VPS13B: variants seen among roughly 807,000 people sequenced by gnomAD.
The protein encoded by VPS13B is vacuolar protein sorting 13 homolog B, also known as intermembrane lipid transfer protein VPS13B.
Under a neutral mutation model 426.4 loss-of-function variants are expected in VPS13B, and 285 were observed. The ratio of observed to expected loss-of-function variants is 0.67; its 90% confidence interval spans 0.61 to 0.74. The LOEUF is 0.74. VPS13B is among the 30% of genes least tolerant of loss of function. The pLI is 0.00. For missense variants in VPS13B, 4,537 were observed against 4,782.6 expected, an observed-to-expected ratio of 0.95 and a Z score of 1.51; for synonymous variants, 1,676 against 1,676.4, an observed-to-expected ratio of 1.00 and a Z score of 0.01.
chr8:99,574,935 A>C (rs1043018384), intron 31 of VPS13B, among the ~76,000 whole-genome samples: 1 of 152,170 alleles, frequency 6.6e-6, no homozygotes, highest in Non-Finnish European at 1.5e-5. Context: ...AGTCCTAGGC[A>C]GGAGAATTGC....
chr8:99,030,869 A>G (rs1407628907), intron 2 of VPS13B, among the ~76,000 whole-genome samples: 1 of 152,204 alleles, frequency 6.6e-6, no homozygotes, highest in Non-Finnish European at 1.5e-5. Context: ...GTAGTGTACT[A>G]ATTTGATACT....
intron 5 of VPS13B, among the ~76,000 whole-genome samples, chr8:99,108,547 G>T (rs1380024676): frequency 1.3e-5 from 2 of 152,090 alleles, no homozygotes; most frequent in Non-Finnish European, 2.9e-5. Context: ...CTTTTCCTCA[G>T]TGTGTTTTCT....
intron 18 of VPS13B, among the ~76,000 whole-genome samples, 170 bp downstream of exon 18, chr8:99,274,502 C>CT (rs1818792632): frequency 6.6e-6 from 1 of 151,866 alleles, no homozygotes; most frequent in Non-Finnish European, 1.5e-5. Flanking sequence ...TACTTCTTGA[C>CT]TTTAACAAAT....
Position 99,817,690 on chromosome 8 carries a change from A to G in VPS13B, c.8248A>G (p.Ile2750Val), listed in dbSNP as rs1465869942. ...AGCCAAACAGAAATTGCCTTCGTAC[A>G]TACTAGAAAACAATGAACTGACGGA... is the stretch of plus-strand genomic sequence containing the variant. ...LTAKQKLPSY[I>V]LENNELTELC... The change falls in exon 45 of 62, where the codon ATA (isoleucine) becomes GTA (valine). Residue 2750 changes from isoleucine to valine, a missense_variant. Coordinates refer to ENST00000357162, the MANE Select transcript of VPS13B (RefSeq NM_152564.5). 14 of 1,613,992 alleles carry G rather than the reference A, an allele frequency of 8.7e-6. No homozygotes were observed. Among genetic ancestry groups the G allele is most frequent in the African/African-American group, 1.3e-5 (1 of 74,936 alleles).
chr8:99,577,690 C>A, intron 33 of VPS13B, 57 bp downstream of exon 33: 1 of 1,598,578 alleles, frequency 6.3e-7, no homozygotes, highest in Non-Finnish European at 8.5e-7. Context: ...TTTACATTCA[C>A]AGTAGGAAAA....
At chr8:99,337,322 A>G (rs1435419161) in intron 19 of VPS13B, among the ~76,000 whole-genome samples, 1 of 133,900 alleles carries the variant, frequency 7.5e-6, no homozygotes, top group Non-Finnish European at 1.5e-5. Context: ...ATGAGAACAC[A>G]TGGACATAGG....
At chr8:99,559,279 T>C (rs1481029008) in intron 31 of VPS13B, among the ~76,000 whole-genome samples, 2 of 152,226 alleles carry the variant, frequency 1.3e-5, no homozygotes, top group Non-Finnish European at 2.9e-5. Flanking sequence ...TAAATTTGTT[T>C]AAGTTCTTTG....
chr8:99,737,891 G>A (rs16897638), intron 39 of VPS13B, among the ~76,000 whole-genome samples: 2,975 of 152,288 alleles, frequency 0.02, 106 homozygotes, highest in African/African-American at 0.068. Context: ...CATATCTTAG[G>A]CTGGAATGGT....
chr8:99,615,630 T>C (rs1360457324), intron 33 of VPS13B, among the ~76,000 whole-genome samples: 1 of 152,214 alleles, frequency 6.6e-6, no homozygotes. Context: ...TGGATCACTG[T>C]CTAGATTTCT....
chr8:99,082,011 G>A (rs1287545640), intron 3 of VPS13B, among the ~76,000 whole-genome samples: 2 of 152,100 alleles, frequency 1.3e-5, no homozygotes, highest in Non-Finnish European at 2.9e-5. Context: ...GGTATTTCTA[G>A]TTCTAGATCC....
At chr8:99,028,260 AGG>A (rs1842242807) in intron 2 of VPS13B, among the ~76,000 whole-genome samples, 1 of 151,484 alleles carries the variant, frequency 6.6e-6, no homozygotes, top group African/African-American at 2.4e-5. Flanking sequence ...GGCCGGGCAG[AGG>A]GGCTCCTCAC....
At chr8:99,254,156 A>C (rs1403173131) in intron 17 of VPS13B, among the ~76,000 whole-genome samples, 1 of 152,140 alleles carries the variant, frequency 6.6e-6, no homozygotes, top group Non-Finnish European at 1.5e-5. Flanking sequence ...CTGATATCCC[A>C]AAAATCCTTA....
At chr8:99,199,096 T>TA (rs1814132395) in intron 17 of VPS13B, among the ~76,000 whole-genome samples, 1 of 152,224 alleles carries the variant, frequency 6.6e-6, no homozygotes, top group Non-Finnish European at 1.5e-5. Context: ...CCCACATTAA[T>TA]AAAGAGATTA....
intron 39 of VPS13B, among the ~76,000 whole-genome samples, chr8:99,725,500 G>GT (rs954126159): frequency 2.0e-5 from 3 of 152,170 alleles, no homozygotes; most frequent in Admixed American, 2.0e-4. Flanking sequence ...AAGTGGAACA[G>GT]TTTTATCCCA....
chr8:99,807,771 A>G (rs889744645), intron 43 of VPS13B, among the ~76,000 whole-genome samples: 7 of 151,188 alleles, frequency 4.6e-5, no homozygotes, highest in South Asian at 4.2e-4. Flanking sequence ...GCATTTTCCT[A>G]TCACAAGATC....
intron 19 of VPS13B, among the ~76,000 whole-genome samples, chr8:99,313,566 C>T (rs1821133491): frequency 6.6e-6 from 1 of 152,134 alleles, no homozygotes; most frequent in Admixed American, 6.5e-5. Flanking sequence ...TGTGAGGTGT[C>T]AGTCTGCCCT....
chr8:99,390,594 A>G (rs1814386623), intron 20 of VPS13B, among the ~76,000 whole-genome samples: 1 of 152,172 alleles, frequency 6.6e-6, no homozygotes, highest in South Asian at 2.1e-4. Flanking sequence ...TTGGATCTAT[A>G]AAACTTTGGT....
intron 25 of VPS13B, among the ~76,000 whole-genome samples, chr8:99,492,757 T>A (rs910090748): frequency 2.0e-5 from 3 of 152,110 alleles, no homozygotes; most frequent in Non-Finnish European, 4.4e-5. Flanking sequence ...GTACCGTTCC[T>A]CCAGGTACAG....
intron 19 of VPS13B, among the ~76,000 whole-genome samples, chr8:99,337,104 G>T (rs1244638049): frequency 6.6e-6 from 1 of 152,150 alleles, no homozygotes. Context: ...CAAAGACTTG[G>T]AACCAACCGA....
Sources: allele counts gnomAD v4.1 joint callset (sites outside exome capture counted in the v4.1 genomes callset), GRCh38; gene constraint gnomAD v4.1.1; transcripts MANE v1.5; gene names NCBI Gene and HGNC (gene_info 2026-07-23, HGNC 2026-07-21).